PCDH15: variants seen among roughly 807,000 people sequenced by gnomAD.
The protein encoded by PCDH15 is protocadherin-15.
PCDH15 carries 129 observed loss-of-function variants against 178.5 expected under a neutral mutation model. The ratio of observed to expected loss-of-function variants is 0.72; its 90% CI spans 0.63 to 0.84. PCDH15 has a LOEUF of 0.84. PCDH15 is among the 40% of genes least tolerant of loss of function. The probability of loss-of-function intolerance (pLI) is 0.00; values close to 1 mark genes in which losing one functional copy is unlikely to be tolerated. For synonymous variants in PCDH15, 800 were observed against 732.0 expected, an observed-to-expected ratio of 1.09 and a Z score of -1.50; for missense variants, 2,230 against 2,099.9, an observed-to-expected ratio of 1.06 and a Z score of -1.21.
intron 2 of PCDH15, among the ~76,000 whole-genome samples, chr10:55,617,541 G>T (rs1174676391): frequency 2.0e-5 from 3 of 151,974 alleles, no homozygotes; most frequent in African/African-American, 7.2e-5. Context: ...TTGAATGTAA[G>T]ATCTGACATA....
chr10:53,825,002 C>T lies in PCDH15; in HGVS notation c.4367+2391G>A, dbSNP rs2076581522. 16 of 1,153,300 alleles carry T rather than the reference C, an allele frequency of 1.4e-5. No individual in the cohort carries two copies. The South Asian group carries it at 5.3e-4, about 38-fold the overall frequency. The allele number at this position is 1,153,300 out of a possible 1,614,324, so 71.4% of individuals were successfully genotyped here. A position where few individuals can be genotyped will look rare whatever the true frequency, so the allele number is the denominator to read the frequency against. On this transcript the variant is annotated intron_variant, in intron 32 of 37. Coordinates refer to ENST00000644397, the MANE Select transcript of PCDH15 (RefSeq NM_001384140.1). ...AGGAAATTGGGTGTGGAAGACAAAA[C>T]TTTCCTTTTAACAGTAAGTGAGTCT...
intron 1 of PCDH15, among the ~76,000 whole-genome samples, chr10:54,692,415 T>C (rs2095138382): frequency 6.6e-6 from 1 of 152,206 alleles, no homozygotes; most frequent in Non-Finnish European, 1.5e-5. Flanking sequence ...TCTGATTATC[T>C]TTTACCTAAA....
At chr10:54,870,727 A>C (rs1342316279) in intron 3 of PCDH15, among the ~76,000 whole-genome samples, 2 of 152,048 alleles carry the variant, frequency 1.3e-5, no homozygotes. Flanking sequence ...CGGAGCTTGC[A>C]GTGAGCCGAG....
intron 3 of PCDH15, among the ~76,000 whole-genome samples, chr10:54,851,892 A>G (rs889013544): frequency 6.6e-6 from 1 of 152,134 alleles, no homozygotes; most frequent in Non-Finnish European, 1.5e-5. Context: ...AATTTAATAC[A>G]AATTTTGGTA....
chr10:55,123,502 T>C (rs573399065), intron 2 of PCDH15, among the ~76,000 whole-genome samples: 3 of 152,144 alleles, frequency 2.0e-5, no homozygotes, highest in African/African-American at 4.8e-5. Flanking sequence ...TTTTCTATTA[T>C]GTAATGATAA....
intron 21 of PCDH15, among the ~76,000 whole-genome samples, chr10:53,987,258 A>G (rs2091170494): frequency 6.6e-6 from 1 of 152,116 alleles, no homozygotes; most frequent in African/African-American, 2.4e-5. Flanking sequence ...ATAGCTTTAA[A>G]GGGAAAAACT....
rs1195122777 is a variant in PCDH15, at chr10:53,958,835, C to T, written c.3122+897G>A. Among the ~76,000 whole-genome samples the T allele has an allele frequency of 2.0e-5, 3 of 151,738 alleles. No homozygotes were observed. In the East Asian group the frequency reaches 5.8e-4, roughly 29 times the overall value. On this transcript the variant is annotated intron_variant, in intron 23 of 37. Transcript: ENST00000644397. ...TCTACTGAAAATACAAAAAATTAGCCAGGCATGGTGGTGGGCACCTGTAGT... is the reference window on the plus strand; with the variant it reads ...TCTACTGAAAATACAAAAAATTAGCTAGGCATGGTGGTGGGCACCTGTAGT...
At chr10:54,937,575 T>A (rs1298986617) in intron 2 of PCDH15, among the ~76,000 whole-genome samples, 1 of 151,940 alleles carries the variant, frequency 6.6e-6, no homozygotes, top group Non-Finnish European at 1.5e-5. Context: ...TTTTGGGGTG[T>A]TATTGTAAAT....
intron 6 of PCDH15, among the ~76,000 whole-genome samples, chr10:54,332,583 C>T (rs1452211909): frequency 6.6e-6 from 1 of 150,752 alleles, no homozygotes; most frequent in Non-Finnish European, 1.5e-5. Flanking sequence ...TCAGTGAAAC[C>T]TCTTAAATGT....
intron 8 of PCDH15, among the ~76,000 whole-genome samples, chr10:54,281,660 T>A (rs1394250821): frequency 2.0e-5 from 3 of 151,972 alleles, no homozygotes; most frequent in African/African-American, 4.8e-5. Flanking sequence ...AATTTATAAT[T>A]TATTTAGTGC....
intron 2 of PCDH15, among the ~76,000 whole-genome samples, chr10:55,448,170 CA>C (rs927435949): frequency 2.6e-5 from 4 of 152,030 alleles, no homozygotes; most frequent in Non-Finnish European, 4.4e-5. Context: ...AAAAAGGAGA[CA>C]GGGGGATCGT....
intron 8 of PCDH15, among the ~76,000 whole-genome samples, chr10:54,317,009 G>A (rs2061317902): frequency 6.6e-6 from 1 of 152,014 alleles, no homozygotes; most frequent in African/African-American, 2.4e-5. Context: ...ATTCCTTGGT[G>A]ATTTATTGGT....
In PCDH15 at chr10:55,538,518, C is replaced by CTTCCTCCCTTCCTTCCTCCT. The variant is rs1564442024; in HGVS notation, c.-156+89087_-156+89106dup. On this transcript the variant is annotated intron_variant, in intron 2 of 5. Coordinates refer to the PCDH15 transcript ENST00000613346. ...CTTTCCTTCCTTCCTTCTTTCCTTC[C>CTTCCTCCCTTCCTTCCTCCT]TTCCTCCCTTCCTTCCTCCTTTCCT... Among the ~76,000 whole-genome samples the CTTCCTCCCTTCCTTCCTCCT allele has an allele frequency of 7.1e-4, 79 of 111,296 alleles. 1 individual carries two copies. In the East Asian group the frequency reaches 0.012, roughly 17 times the overall value. 73.0% of individuals were successfully genotyped at this position (111,296 alleles called of 152,430 possible). A position where few individuals can be genotyped will look rare whatever the true frequency, so the allele number is the denominator to read the frequency against.
intron 3 of PCDH15, among the ~76,000 whole-genome samples, chr10:54,399,583 T>G (rs189270266): frequency 5.1e-4 from 78 of 152,224 alleles, no homozygotes; most frequent in Middle Eastern, 6.8e-3. Flanking sequence ...TGCAGATTAA[T>G]GGTCTGCGGT....
intron 8 of PCDH15, among the ~76,000 whole-genome samples, chr10:54,263,780 T>C (rs1383880987): frequency 6.6e-6 from 1 of 152,042 alleles, no homozygotes; most frequent in African/African-American, 2.4e-5. Context: ...TTGATTGTAT[T>C]AAAGGATGCA....
chr10:55,334,939 T>C (rs1489484200), intron 2 of PCDH15, among the ~76,000 whole-genome samples: 1 of 152,210 alleles, frequency 6.6e-6, no homozygotes, highest in Non-Finnish European at 1.5e-5. Flanking sequence ...TGTATTTTAG[T>C]ATTGTCACCA....
chr10:55,305,697 C>G (rs1248895821), intron 1 of PCDH15, among the ~76,000 whole-genome samples: 1 of 152,162 alleles, frequency 6.6e-6, no homozygotes, highest in Non-Finnish European at 1.5e-5. Flanking sequence ...CTGTCCAACA[C>G]TGGATAAGGC....
At chr10:54,005,499 T>G (rs2135078322) in intron 20 of PCDH15, among the ~76,000 whole-genome samples, 1 of 151,894 alleles carries the variant, frequency 6.6e-6, no homozygotes, top group African/African-American at 2.4e-5. Context: ...TGGGCAAAAG[T>G]TCTAAACAAA....
At chr10:54,034,331 T>C (rs1399867004) in intron 18 of PCDH15, among the ~76,000 whole-genome samples, 1 of 151,958 alleles carries the variant, frequency 6.6e-6, no homozygotes, top group East Asian at 1.9e-4. Flanking sequence ...TTGACCTACC[T>C]TGATAACATC....
Sources: allele counts gnomAD v4.1 joint callset (sites outside exome capture counted in the v4.1 genomes callset), GRCh38; gene constraint gnomAD v4.1.1; transcripts MANE v1.5; gene names NCBI Gene and HGNC (gene_info 2026-07-23, HGNC 2026-07-21).